Variants in ABCC2 observed in about 807,000 individuals in gnomAD.
The protein encoded by ABCC2 is ATP binding cassette subfamily C member 2, also known as ATP-binding cassette sub-family C member 2.
ABCC2 carries 157 observed loss-of-function variants against 173.4 expected under a neutral mutation model. The ratio of observed to expected loss-of-function variants is 0.91; its 90% confidence interval spans 0.80 to 1.03. ABCC2 has a LOEUF of 1.03. ABCC2 is among the 50% of genes least tolerant of loss of function. The pLI is 0.00. For synonymous variants in ABCC2, 657 were observed against 693.5 expected (o/e 0.95, Z 0.83); for missense variants, 1,822 against 1,852.3 (o/e 0.98, Z 0.30).
At chr10:99,816,781 A>G (rs964285478) in intron 16 of ABCC2, among the ~76,000 whole-genome samples, 2 of 152,276 alleles carry the variant, frequency 1.3e-5, no homozygotes, top group Admixed American at 1.3e-4. Flanking sequence ...TCATAGGACC[A>G]TGAACCCTAT....
intron 2 of ABCC2, 132 bp downstream of exon 2, chr10:99,784,913 C>G: frequency 8.7e-7 from 1 of 1,149,232 alleles, no homozygotes; most frequent in Non-Finnish European, 1.3e-6. Context: ...TAGAGCCAGG[C>G]TCAAGGTTTC....
chr10:99,797,234 T>G lies in ABCC2; in HGVS notation c.770T>G (p.Leu257Arg). The G allele has an allele frequency of 6.2e-7, 1 of 1,614,108 alleles. No individual in the cohort carries two copies. Among genetic ancestry groups the G allele is most frequent in the African/African-American group, 1.3e-5 (1 of 75,050 alleles). ...KRELQKARRALQRRQEKSSQQ... is the reference protein window; with the variant it reads ...KRELQKARRARQRRQEKSSQQ... Reference sequence around the variant, plus strand: ...GAGCTGCAGAAAGCCAGGCGGGCACTCCAGAGACGGCAGGAGAAGAGCTCC... The same window carrying G: ...GAGCTGCAGAAAGCCAGGCGGGCACGCCAGAGACGGCAGGAGAAGAGCTCC... Residue 257 changes from leucine to arginine, a missense_variant, in exon 7 of 32, where the codon CTC (leucine) becomes CGC (arginine). Leu to Arg is a moderately radical substitution (Grantham distance 102). Coordinates refer to ENST00000647814, the MANE Select transcript of ABCC2 (RefSeq NM_000392.5).
chr10:99,850,150 G>T (rs2039068477), intron 30 of ABCC2, among the ~76,000 whole-genome samples: 1 of 152,218 alleles, frequency 6.6e-6, no homozygotes, highest in Non-Finnish European at 1.5e-5. Context: ...TTCTAGTGTT[G>T]CTCCACCCTA....
In ABCC2 at chr10:99,830,416, T is replaced by C; in HGVS notation, c.2730T>C (p.Arg910=). 3 of 1,614,204 alleles carry C rather than the reference T, an allele frequency of 1.9e-6. No homozygotes were observed. The highest frequency in any genetic ancestry group is 2.5e-6 in the Non-Finnish European group (3 of 1,180,026). The part of the protein sequence containing the change: ...SITMRRENSF[R]RTLSRSSRSN... ...CCATGAGAAGAGAGAACAGCTTTCGTCGAACACTTAGCCGCAGGTTGGCTA... is the reference window on the plus strand; with the variant it reads ...CCATGAGAAGAGAGAACAGCTTTCGCCGAACACTTAGCCGCAGGTTGGCTA... Residue 910 remains arginine, a synonymous_variant, in exon 20 of 32, where the codon CGT becomes CGC. Coordinates refer to ENST00000647814, the MANE Select transcript of ABCC2 (RefSeq NM_000392.5).
Position 99,830,345 on chromosome 10 carries a change from C to A in ABCC2, c.2659C>A (p.Leu887Met). The A allele has an allele frequency of 6.2e-7, 1 of 1,614,164 alleles. No homozygotes were observed. The highest frequency in any genetic ancestry group is 8.5e-7 in the Non-Finnish European group (1 of 1,180,012). Residue 887 changes from leucine to methionine, a missense_variant, in exon 20 of 32, where the codon CTG becomes ATG. Leu to Met is a conservative substitution (Grantham distance 15, BLOSUM62 2). Transcript: ENST00000647814. The stretch of plus-strand genomic sequence containing the variant: ...TGAAGAAGAAGACGATGACTATGGG[C>A]TGATATCCAGTGTGGAAGAGATCCC... ...GSEEEDDDYG[L>M]ISSVEEIPED...
Position 99,808,089 on chromosome 10 carries a change from G to C in ABCC2, c.1675G>C (p.Val559Leu). ...VFQLTPVLVS[V>L]VTFSVYVLVD... ...ATGACCTTGCCCTTTCCAGGTATCT[G>C]TGGTCACATTTTCTGTTTATGTCCT... Residue 559 changes from valine to leucine, a missense_variant, in exon 13 of 32, where the codon GTG (valine) becomes CTG (leucine). Transcript: ENST00000647814. 1 of 1,614,096 alleles carries C rather than the reference G, an allele frequency of 6.2e-7. No homozygotes were observed. Among genetic ancestry groups the C allele is most frequent in the Non-Finnish European group, 8.5e-7 (1 of 1,179,994 alleles).
chr10:99,836,840 C>T (rs534544870), intron 25 of ABCC2, among the ~76,000 whole-genome samples: 49 of 152,228 alleles, frequency 3.2e-4, no homozygotes, highest in African/African-American at 8.7e-4. Flanking sequence ...TCTCCAGTAT[C>T]CTTAAGCCCT....
At chr10:99,814,304 C>T (rs371263954) in intron 16 of ABCC2, among the ~76,000 whole-genome samples, 11,227 of 74,108 alleles carry the variant, frequency 0.15, 2,260 homozygotes, top group South Asian at 0.22. Flanking sequence ...TATGTATACA[C>T]ACATGTATAT....
Position 99,847,114 on chromosome 10 carries a change from G to C in ABCC2, c.4300G>C (p.Gly1434Arg). 1.9e-6 allele frequency: 3 copies of C among 1,614,116 alleles called. No individual in the cohort carries two copies. Among genetic ancestry groups the C allele is most frequent in the Non-Finnish European group, 2.5e-6 (3 of 1,180,030 alleles). Residue 1434 changes from glycine to arginine, a missense_variant, in exon 30 of 32, where the codon GGT (glycine) becomes CGT (arginine). Coordinates refer to ENST00000647814, the MANE Select transcript of ABCC2 (RefSeq NM_000392.5). Reference protein sequence around the residue: ...LGLSHEVTEAGGNLSIGQRQL... With the variant: ...LGLSHEVTEARGNLSIGQRQL... ...GTTATCCCACGAAGTGACAGAGGCT[G>C]GTGGCAACCTGAGGTAATGTTCCAT...
chr10:99,845,498 T>C, intron 28 of ABCC2, 126 bp from the exon 29 acceptor site: 2 of 1,260,158 alleles, frequency 1.6e-6, no homozygotes, highest in Non-Finnish European at 2.3e-6. Context: ...AAAATCAGTT[T>C]AATATCTTAG....
chr10:99,836,597 A>G (rs902647697), intron 25 of ABCC2, among the ~76,000 whole-genome samples: 1 of 152,222 alleles, frequency 6.6e-6, no homozygotes, highest in African/African-American at 2.4e-5. Flanking sequence ...CTCATGGTGG[A>G]AGTCAAATGA....
chr10:99,845,779 C>G lies in ABCC2; in HGVS notation c.4143C>G (p.Pro1381=). The G allele has an allele frequency of 1.9e-6, 3 of 1,610,818 alleles. No individual in the cohort carries two copies. The highest frequency in any genetic ancestry group is 2.2e-5 in the South Asian group (2 of 90,270). The change falls in exon 29 of 32, where the codon CCC becomes CCG. Residue 1381 remains proline (P), a synonymous_variant. Coordinates refer to ENST00000647814, the MANE Select transcript of ABCC2 (RefSeq NM_000392.5). ...HDLREKLTII[P]QDPILFSGSL... ...TCCGAGAGAAGCTGACCATCATCCC[C>G]CAGGTGAGCTCTAGAACTTACTCGG...
At chr10:99,818,591 T>C (rs1417222702) in intron 17 of ABCC2, among the ~76,000 whole-genome samples, 199 bp from the exon 18 acceptor site, 1 of 152,204 alleles carries the variant, frequency 6.6e-6, no homozygotes, top group Non-Finnish European at 1.5e-5. Context: ...TGATAAAAAG[T>C]GGTAAGTTGG....
At chr10:99,793,839 A>G (rs2037849982) in intron 4 of ABCC2, 53 bp from the exon 5 acceptor site, 1 of 1,577,466 alleles carries the variant, frequency 6.3e-7, no homozygotes, top group Admixed American at 1.7e-5. Flanking sequence ...CGGGCCATGT[A>G]GACTTCCTTT....
At chr10:99,804,342 C>G (rs1002909335) in intron 10 of ABCC2, 69 bp downstream of exon 10, 2 of 1,601,390 alleles carry the variant, frequency 1.2e-6, no homozygotes, top group African/African-American at 2.7e-5. Flanking sequence ...TTACTCTACT[C>G]TAATTCTTAA....
intron 25 of ABCC2, among the ~76,000 whole-genome samples, chr10:99,838,184 G>A (rs1180095550): frequency 4.6e-5 from 3 of 65,032 alleles, no homozygotes; most frequent in Non-Finnish European, 6.7e-5. Flanking sequence ...CGGACGGGGC[G>A]GCTGGCCGGG....
chr10:99,851,154 A>G (rs529296227), intron 31 of ABCC2, among the ~76,000 whole-genome samples: 16 of 152,234 alleles, frequency 1.1e-4, no homozygotes, highest in Non-Finnish European at 2.4e-4. Flanking sequence ...GAAGCTTTCT[A>G]TTCCTTCCAG....
At chr10:99,808,507 C>T (rs1407603962) in intron 13 of ABCC2, among the ~76,000 whole-genome samples, 1 of 152,122 alleles carries the variant, frequency 6.6e-6, no homozygotes, top group Non-Finnish European at 1.5e-5. Context: ...TATGTTTAGT[C>T]CTAGTACTGG....
At position 99,817,203 on chromosome 10, in the gene ABCC2, T is replaced by C. The variant is rs3740073; in HGVS notation, c.2095-105T>C. On this transcript the variant is annotated intron_variant, in intron 16 of 31. Coordinates refer to ENST00000647814, the MANE Select transcript of ABCC2 (RefSeq NM_000392.5). ...TCAGTCATCCTGATGCACAGTTATT[T>C]AAATTTAAGCTCCATTTGTTTCTTC... 654,790 of 1,029,924 alleles carry C rather than the reference T, an allele frequency of 0.64. 209,566 individuals carry two copies. Among genetic ancestry groups the C allele is most frequent in the East Asian group, 0.77 (30,333 of 39,290 alleles). The allele number at this position is 1,029,924 out of a possible 1,614,324, so 63.8% of individuals were successfully genotyped here.
Sources: allele counts gnomAD v4.1 joint callset (sites outside exome capture counted in the v4.1 genomes callset), GRCh38; gene constraint gnomAD v4.1.1; transcripts MANE v1.5; gene names NCBI Gene and HGNC (gene_info 2026-07-23, HGNC 2026-07-21).